SNCAIP: variants seen among roughly 807,000 people sequenced by gnomAD.
SNCAIP encodes the protein synphilin-1.
A neutral mutation model predicts 86.7 loss-of-function variants in SNCAIP; 43 were observed. That is an observed-to-expected ratio of 0.50 (90% CI 0.39 to 0.64). The LOEUF is 0.64. Among genes scored for constraint, SNCAIP ranks in the 30% least tolerant of loss-of-function variants. The pLI is 0.00. For missense variants in SNCAIP, 981 were observed against 1,103.1 expected, an observed-to-expected ratio of 0.89 and a Z score of 1.57; for synonymous variants, 417 against 427.2, an observed-to-expected ratio of 0.98 and a Z score of 0.29.
chr5:122,378,144 A>G lies in SNCAIP; in HGVS notation c.-46-12945A>G, dbSNP rs1029210153. Among the ~76,000 whole-genome samples the G allele has an allele frequency of 2.1e-4, 31 of 147,602 alleles. 2 individuals carry two copies. The highest frequency in any genetic ancestry group is 6.3e-4 in the African/African-American group (25 of 39,608). ...ACTTCCACAATGGTTGAACTAGTTT[A>G]CAGTCCCACCAACAGTGTAAAAGTG... On this transcript the variant is annotated intron_variant, in intron 1 of 10. Coordinates refer to ENST00000261368, the MANE Select transcript of SNCAIP (RefSeq NM_005460.4).
chr5:122,375,480 T>G (rs1193209549), intron 1 of SNCAIP, among the ~76,000 whole-genome samples: 1 of 151,676 alleles, frequency 6.6e-6, no homozygotes, highest in Non-Finnish European at 1.5e-5. Flanking sequence ...GCTTTTTTTT[T>G]TTTTTTCATT....
chr5:122,325,475 A>G (rs1753830550), intron 1 of SNCAIP, among the ~76,000 whole-genome samples: 1 of 152,206 alleles, frequency 6.6e-6, no homozygotes. Context: ...TAAGCTGATA[A>G]CTGCTCCCTT....
intron 1 of SNCAIP, among the ~76,000 whole-genome samples, chr5:122,365,101 C>A (rs1268994740): frequency 6.6e-6 from 1 of 152,094 alleles, no homozygotes; most frequent in Non-Finnish European, 1.5e-5. Flanking sequence ...TTTGTTGCCC[C>A]CATGCCCCGA....
Position 122,463,884 on chromosome 5 carries a change from T to C in SNCAIP, c.*388T>C. The C allele has an allele frequency of 4.9e-6, 1 of 205,240 alleles. No homozygotes were observed. The highest frequency in any genetic ancestry group is 9.8e-6 in the Non-Finnish European group (1 of 102,464). The allele number at this position is 205,240 out of a possible 1,614,324, so 12.7% of individuals were successfully genotyped here. On this transcript the variant is annotated 3_prime_UTR_variant, in exon 11 of 11. Transcript: ENST00000261368. ...GCCACTGATACCATTTTATATTTCA[T>C]CAATTGCATGAGTATTTGCTAATGT...
At chr5:122,345,517 TG>T (rs1158460970) in intron 1 of SNCAIP, among the ~76,000 whole-genome samples, 1 of 152,168 alleles carries the variant, frequency 6.6e-6, no homozygotes, top group Non-Finnish European at 1.5e-5. Flanking sequence ...GGCTGTGGCT[TG>T]GAGAGGAGTT....
At chr5:122,384,885 C>T (rs1767773165) in intron 1 of SNCAIP, among the ~76,000 whole-genome samples, 1 of 152,200 alleles carries the variant, frequency 6.6e-6, no homozygotes. Flanking sequence ...CCCTCACCAT[C>T]ACGCTTCAAG....
In SNCAIP at chr5:122,423,686, A is replaced by G; in HGVS notation, c.949A>G (p.Lys317Glu). 1 of 1,606,598 alleles carries G rather than the reference A, an allele frequency of 6.2e-7. No homozygotes were observed. The highest frequency in any genetic ancestry group is 8.5e-7 in the Non-Finnish European group (1 of 1,179,778). Residue 317 changes from lysine to glutamate, a missense_variant, in exon 4 of 11, where the codon AAA (lysine) becomes GAA (glutamate). Lys to Glu is a moderately conservative substitution (Grantham distance 56). Transcript: ENST00000261368. The stretch of plus-strand genomic sequence containing the variant: ...CCCAGAAGAAAGGAGTGAGTATCTG[A>G]AAAAAGTGAAAAGCATCTTGAACAT... ...QGPEERSEYL[K>E]KVKSILNIVK... is the part of the protein sequence containing the mutation.
intron 1 of SNCAIP, among the ~76,000 whole-genome samples, chr5:122,314,116 T>A (rs1751218598): frequency 6.6e-6 from 1 of 152,208 alleles, no homozygotes; most frequent in African/African-American, 2.4e-5. Flanking sequence ...GTCACAACTT[T>A]CCTAATTCCA....
At chr5:122,443,389 T>A (rs964467897) in intron 7 of SNCAIP, among the ~76,000 whole-genome samples, 12 of 152,088 alleles carry the variant, frequency 7.9e-5, no homozygotes, top group African/African-American at 2.9e-4. Flanking sequence ...CACAAAATAG[T>A]TTGGATTTTT....
In SNCAIP at chr5:122,422,840, G is replaced by A. The variant is rs778871549; in HGVS notation, c.131-28G>A. On this transcript the variant is annotated intron_variant, in intron 3 of 10. Coordinates refer to ENST00000261368, the MANE Select transcript of SNCAIP (RefSeq NM_005460.4). The stretch of plus-strand genomic sequence containing the variant: ...ATGTGTTCAGCATTCCAGATTAATA[G>A]CTTTCTATTTTAATTTTTTAAAAAC... 3.1e-6 allele frequency: 5 copies of A among 1,596,098 alleles called. No homozygotes were observed. The African/African-American group carries it at 5.4e-5, about 17-fold the overall frequency.
Position 122,449,931 on chromosome 5 carries a change from C to T in SNCAIP, c.1679C>T (p.Ser560Leu), listed in dbSNP as rs770461363. Residue 560 changes from serine (S) to leucine (L), a missense_variant, in exon 9 of 11, where the codon TCA (serine) becomes TTA (leucine). Coordinates refer to ENST00000261368, the MANE Select transcript of SNCAIP (RefSeq NM_005460.4). ...TCAGAGGGCAAGTCACTCCCTTCTTCACCCAGGTAATACCAGCACATTGTT... is the reference window on the plus strand; with the variant it reads ...TCAGAGGGCAAGTCACTCCCTTCTTTACCCAGGTAATACCAGCACATTGTT... ...QKSEGKSLPS[S>L]PSSPSSPASR... 19 of 1,607,050 alleles carry T rather than the reference C, an allele frequency of 1.2e-5. No individual in the cohort carries two copies. Among genetic ancestry groups the T allele is most frequent in the Non-Finnish European group, 1.6e-5 (19 of 1,173,672 alleles).
intron 1 of SNCAIP, among the ~76,000 whole-genome samples, chr5:122,344,859 A>G (rs1758285197): frequency 6.6e-6 from 1 of 152,194 alleles, no homozygotes; most frequent in South Asian, 2.1e-4. Context: ...TTTAAGTGCC[A>G]TTATCCTCAA....
At chr5:122,384,223 C>A (rs940412026) in intron 1 of SNCAIP, among the ~76,000 whole-genome samples, 53 of 152,192 alleles carry the variant, frequency 3.5e-4, no homozygotes, top group African/African-American at 1.2e-3. Flanking sequence ...TGTTAGCTGG[C>A]TTTGCCCCTA....
intron 1 of SNCAIP, among the ~76,000 whole-genome samples, chr5:122,376,915 G>C (rs544568081): frequency 6.6e-6 from 1 of 152,088 alleles, no homozygotes; most frequent in Non-Finnish European, 1.5e-5. Context: ...CTGGGAGGCC[G>C]TCTATTCCTC....
intron 1 of SNCAIP, among the ~76,000 whole-genome samples, chr5:122,386,481 AG>A (rs1768149646): frequency 6.6e-6 from 1 of 152,202 alleles, no homozygotes; most frequent in Non-Finnish European, 1.5e-5. Flanking sequence ...TGCTCTTGGC[AG>A]TTTATCAAAA....
At chr5:122,417,799 A>C (rs1775619727) in intron 3 of SNCAIP, among the ~76,000 whole-genome samples, 1 of 152,080 alleles carries the variant, frequency 6.6e-6, no homozygotes, top group Admixed American at 6.5e-5. Flanking sequence ...CAGTATCTTC[A>C]AGGCACTCTG....
At chr5:122,380,638 G>A (rs1181414905) in intron 1 of SNCAIP, among the ~76,000 whole-genome samples, 1 of 148,680 alleles carries the variant, frequency 6.7e-6, no homozygotes, top group Non-Finnish European at 1.5e-5. Context: ...ATGTTAGGGT[G>A]TCAATTTTGG....
At chr5:122,335,113 CTTTT>C in intron 1 of SNCAIP, among the ~76,000 whole-genome samples, 1 of 152,116 alleles carries the variant, frequency 6.6e-6, no homozygotes, top group African/African-American at 2.4e-5. Context: ...TTTCCTCTTT[CTTTT>C]GATGACTAAA....
chr5:122,401,047 A>T (rs921883439), intron 2 of SNCAIP: 2 of 1,550,170 alleles, frequency 1.3e-6, no homozygotes, highest in African/African-American at 2.7e-5. Context: ...GACAGGGAAG[A>T]TGCAATGGGC....
Sources: allele counts gnomAD v4.1 joint callset (sites outside exome capture counted in the v4.1 genomes callset), GRCh38; gene constraint gnomAD v4.1.1; transcripts MANE v1.5; gene names NCBI Gene and HGNC (gene_info 2026-07-23, HGNC 2026-07-21).